SATB2: variants seen among roughly 807,000 people sequenced by gnomAD.
SATB2 encodes DNA-binding protein SATB2.
SATB2 carries 1 observed loss-of-function variant against 73.4 expected under a neutral mutation model. That is an observed-to-expected ratio of 0.01 (90% CI 0.00 to 0.06). SATB2 has a LOEUF of 0.06. Ranked by LOEUF, SATB2 falls within the 10% of genes least tolerant of loss-of-function variation. The pLI is 1.00. For missense variants in SATB2, 459 were observed against 945.8 expected (o/e 0.49, Z 6.75); for synonymous variants, 397 against 367.0 (o/e 1.08, Z -0.93).
intron 10 of SATB2, among the ~76,000 whole-genome samples, chr2:199,277,131 T>C (rs935641635): frequency 2.6e-5 from 4 of 151,918 alleles, no homozygotes; most frequent in African/African-American, 9.7e-5. Context: ...TAGAAAAAAA[T>C]AGGAAAAGCC....
chr2:199,402,174 C>T (rs1431079942), intron 3 of SATB2, among the ~76,000 whole-genome samples: 1 of 152,086 alleles, frequency 6.6e-6, no homozygotes, highest in Non-Finnish European at 1.5e-5. Context: ...ATCATGAGGT[C>T]AAGAGATTGA....
upstream of SATB2, chr2:199,460,318 T>C (rs1692447843): frequency 6.6e-6 from 1 of 152,344 alleles, no homozygotes; most frequent in South Asian, 2.1e-4. The surrounding 1 kb of genome is among the most constrained non-coding windows in gnomAD (Gnocchi z 4.0). Flanking sequence ...CTTCAATCTG[T>C]AATATGTCGA....
chr2:199,323,338 A>C (rs1445362078), intron 9 of SATB2, among the ~76,000 whole-genome samples: 4 of 152,064 alleles, frequency 2.6e-5, no homozygotes, highest in Non-Finnish European at 4.4e-5. Context: ...TGACATCAAA[A>C]GGTGTCTCTG....
Position 199,272,739 on chromosome 2 carries a change from C to T in SATB2, c.1741-67G>A, listed in dbSNP as rs1464903252. On this transcript the variant is annotated intron_variant, in intron 10 of 10. Coordinates refer to ENST00000417098, the MANE Select transcript of SATB2 (RefSeq NM_001172509.2). The surrounding 1 kb of genome is among the most constrained non-coding windows in gnomAD (Gnocchi z 6.7). Reference sequence around the variant, plus strand: ...TTTTACCTTTCCAAAACCATCAGCCCTCTGAAATATGTGTTATCTATCTAG... The same window carrying T: ...TTTTACCTTTCCAAAACCATCAGCCTTCTGAAATATGTGTTATCTATCTAG... 1 of 1,408,204 alleles carries T rather than the reference C, an allele frequency of 7.1e-7. No homozygotes were observed. The allele number at this position is 1,408,204 out of a possible 1,614,324, so 87.2% of individuals were successfully genotyped here. A position where few individuals can be genotyped will look rare whatever the true frequency, so the allele number is the denominator to read the frequency against.
At chr2:199,317,422 T>C (rs1687767082) in intron 9 of SATB2, among the ~76,000 whole-genome samples, 1 of 152,060 alleles carries the variant, frequency 6.6e-6, no homozygotes, top group Admixed American at 6.5e-5. Flanking sequence ...CAACCTAATT[T>C]ACTTCAAAGA....
At chr2:199,295,430 A>AT (rs1693001682) in intron 10 of SATB2, among the ~76,000 whole-genome samples, 1 of 152,118 alleles carries the variant, frequency 6.6e-6, no homozygotes, top group South Asian at 2.1e-4. Flanking sequence ...GAAAAAAAAA[A>AT]AGCCCCAATT....
At chr2:199,324,567 A>C (rs941263863) in intron 8 of SATB2, among the ~76,000 whole-genome samples, 5 of 152,110 alleles carry the variant, frequency 3.3e-5, no homozygotes, top group Non-Finnish European at 7.4e-5. Flanking sequence ...AATGCCTTTG[A>C]TGTGCCGTTT....
intron 9 of SATB2, among the ~76,000 whole-genome samples, chr2:199,319,775 A>T (rs753248115): frequency 3.9e-5 from 6 of 152,122 alleles, no homozygotes; most frequent in Non-Finnish European, 7.4e-5. Context: ...AAGAAAAAAA[A>T]AAAGTCAGAT....
chr2:199,368,483 A>G, intron 6 of SATB2, 122 bp downstream of exon 6: 1 of 695,692 alleles, frequency 1.4e-6, no homozygotes. Flanking sequence ...AATATTAAAG[A>G]TCTCACCTTT....
At chr2:199,468,738 G>A (rs1015237174), upstream of SATB2, 9 of 152,234 alleles carry the variant, frequency 5.9e-5, no homozygotes, top group Non-Finnish European at 1.0e-4. Flanking sequence ...CCCGCCTCTG[G>A]GCAGGCCTGA....
At chr2:199,380,584 A>G (rs1341485070) in intron 4 of SATB2, 97 bp from the exon 5 acceptor site, 5 of 1,458,012 alleles carry the variant, frequency 3.4e-6, no homozygotes, top group African/African-American at 1.4e-5. Context: ...GTCTTGTGGG[A>G]GCTTCAGAAG....
intron 9 of SATB2, among the ~76,000 whole-genome samples, chr2:199,322,305 T>C (rs1046962216): frequency 5.9e-5 from 9 of 152,200 alleles, no homozygotes; most frequent in Non-Finnish European, 8.8e-5. Context: ...ACCACATATG[T>C]CCTTTATTAC....
At chr2:199,433,945 C>T (rs575026273) in intron 2 of SATB2, among the ~76,000 whole-genome samples, 6 of 151,626 alleles carry the variant, frequency 4.0e-5, no homozygotes, top group African/African-American at 4.8e-5. Context: ...ATATATTTCT[C>T]TTTAAATATA....
intron 3 of SATB2, among the ~76,000 whole-genome samples, chr2:199,386,475 A>G (rs1689936176): frequency 6.6e-6 from 1 of 152,324 alleles, no homozygotes; most frequent in Non-Finnish European, 1.5e-5. Flanking sequence ...GACCACACCA[A>G]TCACTCCAGT....
At chr2:199,462,155 G>A (rs1434043792), upstream of SATB2, among the ~76,000 whole-genome samples, 1 of 152,206 alleles carries the variant, frequency 6.6e-6, no homozygotes, top group Admixed American at 6.5e-5. This position sits in a 1 kb window ranked among gnomAD's most constrained non-coding sequence, Gnocchi z 5.9. Flanking sequence ...CCTCAACCCT[G>A]GAACACGCAG....
rs960580313 is a variant in SATB2 at position 199,292,632 on chromosome 2, T to C, written c.1740+16128A>G. The stretch of plus-strand genomic sequence containing the variant: ...ACATGTCTTGGAATCTGACTTCCTT[T>C]CTAAGCCATATTTAACAGTTTCTAA... On this transcript the variant is annotated intron_variant, in intron 10 of 10. Transcript: ENST00000417098. 3.3e-5 allele frequency among the ~76,000 whole-genome samples: 5 copies of C among 152,358 alleles called. No individual in the cohort carries two copies. In the East Asian group the frequency reaches 9.6e-4, roughly 29 times the overall value.
At chr2:199,336,024 T>G (rs750279541) in intron 7 of SATB2, among the ~76,000 whole-genome samples, 1 of 152,168 alleles carries the variant, frequency 6.6e-6, no homozygotes, top group African/African-American at 2.4e-5. Context: ...CATTTGAGCA[T>G]GTACAATAGA....
At chr2:199,433,264 A>G in intron 3 of SATB2, 74 bp downstream of exon 3, 1 of 1,454,938 alleles carries the variant, frequency 6.9e-7, no homozygotes. Context: ...TTGGAGAACT[A>G]TTTCAGAAAA....
At chr2:199,417,500 C>T (rs972704199) in intron 3 of SATB2, among the ~76,000 whole-genome samples, 2 of 152,124 alleles carry the variant, frequency 1.3e-5, no homozygotes, top group Non-Finnish European at 2.9e-5. Context: ...CTTCTCAACA[C>T]GACTGTGGGA....
Sources: allele counts gnomAD v4.1 joint callset (sites outside exome capture counted in the v4.1 genomes callset), GRCh38; gene constraint gnomAD v4.1.1; non-coding constraint Gnocchi (gnomAD v3.1); transcripts MANE v1.5; gene names NCBI Gene and HGNC (gene_info 2026-07-23, HGNC 2026-07-21).